The following EPHB4 variants were observed in gnomAD, a reference collection of about 807,000 sequenced individuals.
The protein encoded by EPHB4 is ephrin type-B receptor 4.
A neutral mutation model predicts 110.6 loss-of-function variants in EPHB4; 50 were observed. The observed-to-expected ratio is 0.45, with a 90% CI of 0.36 to 0.57. EPHB4 has a LOEUF of 0.57. Among genes scored for constraint, EPHB4 ranks in the 20% least tolerant of loss-of-function variants. The pLI, the probability that EPHB4 is intolerant of heterozygous loss-of-function variation, is 0.00. For synonymous variants in EPHB4, 592 were observed against 578.4 expected, an observed-to-expected ratio of 1.02 and a Z score of -0.34; for missense variants, 1,128 against 1,382.1, an observed-to-expected ratio of 0.82 and a Z score of 2.91.
At chr7:100,824,610 C>A (rs1813324712) in intron 1 of EPHB4, 1 of 253,262 alleles carries the variant, frequency 3.9e-6, no homozygotes, top group African/African-American at 2.2e-5. Flanking sequence ...GGTCCTGACC[C>A]CCACGAGCAG....
At position 100,827,164 on chromosome 7, in the gene EPHB4, T is replaced by C. The variant is rs1477703908; in HGVS notation, c.-134A>G. On this transcript the variant is annotated 5_prime_UTR_variant, in exon 1 of 17. An upstream start codon of the reference 5' UTR is lost. Transcript: ENST00000358173. ...CGTCGGGGCCCTCAGCGCGGGCCCA[T>C]GCGAGCGTGCGGGGCACCGGGCGGC... 6 of 885,104 alleles carry C rather than the reference T, an allele frequency of 6.8e-6. No homozygotes were observed. In the East Asian group the frequency reaches 1.0e-4, roughly 15 times the overall value. The allele number at this position is 885,104 out of a possible 1,614,324, so 54.8% of individuals were successfully genotyped here. A position where few individuals can be genotyped will look rare whatever the true frequency, so the allele number is the denominator to read the frequency against.
In EPHB4 at chr7:100,819,597, G is replaced by T; in HGVS notation, c.1257C>A (p.Pro419=). ...TGACATTGACAGGCTCAAATGGGAC[G>T]GGCCCCGTGGCTAAGGAGGATACCC... ...LNGVSSLATG[P]VPFEPVNVTT... The change falls in exon 6 of 17, where the codon CCC becomes CCA. Residue 419 remains proline (P), a synonymous_variant. Transcript: ENST00000358173. The T allele has an allele frequency of 6.3e-7, 1 of 1,590,120 alleles. No individual in the cohort carries two copies. The highest frequency in any genetic ancestry group is 8.6e-7 in the Non-Finnish European group (1 of 1,162,582).
chr7:100,803,681 T>C, intron 16 of EPHB4, 91 bp from the exon 17 acceptor site: 1 of 1,389,770 alleles, frequency 7.2e-7, no homozygotes, highest in Non-Finnish European at 9.4e-7. Flanking sequence ...GCCTCAGGAT[T>C]GTAAGCCAAT....
At chr7:100,813,319 T>C (rs1812989857) in intron 10 of EPHB4, 111 bp from the exon 11 acceptor site, 1 of 888,498 alleles carries the variant, frequency 1.1e-6, no homozygotes, top group Non-Finnish European at 1.6e-6. Context: ...TTTTTTTTTT[T>C]TTTTTTTTTT....
intron 4 of EPHB4, among the ~76,000 whole-genome samples, chr7:100,821,583 G>A (rs918002736): frequency 6.7e-6 from 1 of 149,448 alleles, no homozygotes; most frequent in African/African-American, 2.5e-5. Context: ...AGCCGAGATC[G>A]CACCACTGCA....
chr7:100,820,130 T>C lies in EPHB4; in HGVS notation c.964+11A>G. The C allele has an allele frequency of 6.2e-7, 1 of 1,612,964 alleles. No individual in the cohort carries two copies. The highest frequency in any genetic ancestry group is 8.5e-7 in the Non-Finnish European group (1 of 1,179,626). Reference sequence around the variant, plus strand: ...TCCCCAGTGAACTGCACCTGGGTGCTGGTCACTTACTGGTGCAGGGTGCAC... The same window carrying C: ...TCCCCAGTGAACTGCACCTGGGTGCCGGTCACTTACTGGTGCAGGGTGCAC... On this transcript the variant is annotated intron_variant, in intron 5 of 16. Transcript: ENST00000358173.
rs11338293 is a variant in EPHB4, at chr7:100,804,308, C to CTT, written c.2835-720_2835-719dup. Among the ~76,000 whole-genome samples, 619 of 71,594 alleles carry CTT rather than the reference C, an allele frequency of 8.6e-3. 1 individual carries two copies. Among genetic ancestry groups the CTT allele is most frequent in the African/African-American group, 0.01 (193 of 18,772 alleles). 47.0% of individuals were successfully genotyped at this position (71,594 alleles called of 152,430 possible). A position where few individuals can be genotyped will look rare whatever the true frequency, so the allele number is the denominator to read the frequency against. On this transcript the variant is annotated intron_variant, in intron 16 of 16. Transcript: ENST00000358173. ...GAGCCACCACCTGGCCTTCACATTTCTTTTTTTTTTTTTTTTTTTTTTTTG... is the reference window on the plus strand; with the variant it reads ...GAGCCACCACCTGGCCTTCACATTTCTTTTTTTTTTTTTTTTTTTTTTTTTTG...
chr7:100,808,966 T>A (rs1309170280), intron 12 of EPHB4, among the ~76,000 whole-genome samples: 1 of 152,158 alleles, frequency 6.6e-6, no homozygotes, highest in Non-Finnish European at 1.5e-5. Context: ...ATCAGCAAGT[T>A]CTGCTGGTGA....
chr7:100,819,557 C>T lies in EPHB4; in HGVS notation c.1297G>A (p.Val433Ile). ...EPVNVTTDREVPPAVSDIRVT... is the reference protein window; with the variant it reads ...EPVNVTTDREIPPAVSDIRVT... ...AGCCGCCCCAGCCCCCAAGTCTCAC[C>T]CTCTCGGTCAGTGGTGACATTGACA... Residue 433 changes from valine to isoleucine, a missense_variant and splice_region_variant, in exon 6 of 17, where the codon GTA becomes ATA. Around this residue, in one of 3 missense-constraint regions of EPHB4, gnomAD observed 728 missense variants for 828.6 expected, o/e 0.88. Transcript: ENST00000358173. 1 of 1,551,856 alleles carries T rather than the reference C, an allele frequency of 6.4e-7. No homozygotes were observed. The highest frequency in any genetic ancestry group is 8.7e-7 in the Non-Finnish European group (1 of 1,143,496).
rs758680146 is a variant in EPHB4 at position 100,823,726 on chromosome 7, G to T, written c.329C>A (p.Thr110Asn). Residue 110 changes from threonine to asparagine, a missense_variant, in exon 3 of 17, where the codon ACC (threonine) becomes AAC (asparagine). Thr to Asn is a moderately conservative substitution (Grantham distance 65, BLOSUM62 0). This residue lies in a region of EPHB4 where 728 missense variants were observed against 828.6 expected (regional missense o/e 0.88). Transcript: ENST00000358173. ...LPRAGRSCKE[T>N]FTVFYYESDA... ...GCTCTCATAGTAGAAGACGGTGAAG[G>T]TCTCCTTGCAGGAGCGCCCAGCCCG... The T allele has an allele frequency of 6.2e-7, 1 of 1,613,546 alleles. No individual in the cohort carries two copies. The highest frequency in any genetic ancestry group is 8.5e-7 in the Non-Finnish European group (1 of 1,179,976).
intron 8 of EPHB4, among the ~76,000 whole-genome samples, chr7:100,814,311 C>T (rs1813015894): frequency 1.3e-5 from 2 of 152,238 alleles, no homozygotes; most frequent in African/African-American, 2.4e-5. Flanking sequence ...CGCAGTCTCA[C>T]TCTGTCGCCC....
In EPHB4 at chr7:100,803,436, C is replaced by G; in HGVS notation, c.*25G>C. Reference sequence around the variant, plus strand: ...GCCCCGGAAAATGGGGAGGCGGTGTCCCTGGGGTGGGGAGTTCCTGCAGGT... The same window carrying G: ...GCCCCGGAAAATGGGGAGGCGGTGTGCCTGGGGTGGGGAGTTCCTGCAGGT... On this transcript the variant is annotated 3_prime_UTR_variant, in exon 17 of 17. Coordinates refer to ENST00000358173, the MANE Select transcript of EPHB4 (RefSeq NM_004444.5). 6.6e-7 allele frequency: 1 copy of G among 1,521,028 alleles called. No homozygotes were observed. The highest frequency in any genetic ancestry group is 8.9e-7 in the Non-Finnish European group (1 of 1,122,406). 94.2% of individuals were successfully genotyped at this position (1,521,028 alleles called of 1,614,324 possible). A position where few individuals can be genotyped will look rare whatever the true frequency, so the allele number is the denominator to read the frequency against.
intron 16 of EPHB4, 81 bp from the exon 17 acceptor site, chr7:100,803,671 G>A: frequency 6.9e-7 from 1 of 1,440,176 alleles, no homozygotes; most frequent in East Asian, 2.4e-5. Context: ...GACGGTCCTA[G>A]CCTCAGGATT....
At chr7:100,824,702 C>T (rs1315101393) in intron 1 of EPHB4, 2 of 187,700 alleles carry the variant, frequency 1.1e-5, no homozygotes, top group East Asian at 1.5e-4. Flanking sequence ...CTCTCTACCC[C>T]ACAATTTCAT....
Position 100,817,293 on chromosome 7 carries a change from C to A in EPHB4, c.1487G>T (p.Gly496Val). ...KTSENRAELR[G>V]LKRGASYLVQ... ...CAGGTAGCTGGCTCCCCGCTTCAGC[C>A]CCCGCAGCTCTGCCCGGTTTTCTGA... The change falls in exon 8 of 17, where the codon GGG becomes GTG. Residue 496 changes from glycine to valine, a missense_variant. Physicochemically the swap from Gly to Val is moderately radical, Grantham distance 109 (BLOSUM62 -3). Coordinates refer to ENST00000358173, the MANE Select transcript of EPHB4 (RefSeq NM_004444.5). The A allele has an allele frequency of 6.3e-7, 1 of 1,596,384 alleles. No individual in the cohort carries two copies. The highest frequency in any genetic ancestry group is 8.5e-7 in the Non-Finnish European group (1 of 1,172,496).
chr7:100,818,544 G>C lies in EPHB4; in HGVS notation c.1398C>G (p.Asp466Glu), dbSNP rs760199600. Residue 466 changes from aspartate to glutamate, a missense_variant, in exon 7 of 17, where the codon GAC becomes GAG. Coordinates refer to ENST00000358173, the MANE Select transcript of EPHB4 (RefSeq NM_004444.5). The part of the protein sequence containing the change: ...VPRAPSGAVL[D>E]YEVKYHEKGA... Reference sequence around the variant, plus strand: ...CCTTCTCATGGTATTTGACCTCGTAGTCCAGCACAGCCCCACTGGGTGCCC... The same window carrying C: ...CCTTCTCATGGTATTTGACCTCGTACTCCAGCACAGCCCCACTGGGTGCCC... The C allele has an allele frequency of 1.9e-6, 3 of 1,614,066 alleles. No homozygotes were observed. Among genetic ancestry groups the C allele is most frequent in the East Asian group, 4.5e-5 (2 of 44,870 alleles).
At chr7:100,818,779 T>C in intron 6 of EPHB4, 135 bp from the exon 7 acceptor site, 1 of 1,144,572 alleles carries the variant, frequency 8.7e-7, no homozygotes, top group Non-Finnish European at 1.2e-6. Flanking sequence ...CTCAGCTTAC[T>C]GCAACCTCCG....
Position 100,820,191 on chromosome 7 carries a change from C to T in EPHB4, c.914G>A (p.Arg305His). The T allele has an allele frequency of 3.1e-6, 5 of 1,614,094 alleles. No individual in the cohort carries two copies. The highest frequency in any genetic ancestry group is 4.2e-6 in the Non-Finnish European group (5 of 1,180,024). ...NTIGSAVCQCRVGYFRARTDP... is the reference protein window; with the variant it reads ...NTIGSAVCQCHVGYFRARTDP... ...TGTGCGTGCCCGGAAGTACCCGACG[C>T]GGCACTGGCAGACGGCTGATCCAAT... The change falls in exon 5 of 17, where the codon CGC becomes CAC. Residue 305 changes from arginine (R) to histidine (H), a missense_variant. By Grantham distance (29) the Arg-to-His change is conservative. This residue lies in a region of EPHB4 where 728 missense variants were observed against 828.6 expected (regional missense o/e 0.88). Transcript: ENST00000358173.
Position 100,819,870 on chromosome 7 carries a change from C to A in EPHB4, c.984G>T (p.Arg328=). 6.5e-7 allele frequency: 1 copy of A among 1,546,816 alleles called. No individual in the cohort carries two copies. The highest frequency in any genetic ancestry group is 1.2e-5 in the South Asian group (1 of 84,220). ...AGCCGTTCAGGCGGGAAACCACGCT[C>A]CGCGGAGCCGAAGGAGGGGCTGCAG... ...APCTTPPSAP[R]SVVSRLNGSS... is the part of the protein sequence containing the mutation. Residue 328 remains arginine, a synonymous_variant, in exon 6 of 17, where the codon CGG becomes CGT. Coordinates refer to ENST00000358173, the MANE Select transcript of EPHB4 (RefSeq NM_004444.5).
Sources: gnomAD v4.1 joint callset for allele counts (sites outside exome capture counted in the v4.1 genomes callset) on GRCh38, gnomAD v4.1.1 for gene constraint, gnomAD v4.1.1 regional missense constraint, MANE v1.5 for transcripts, NCBI Gene and HGNC (gene_info 2026-07-23, HGNC 2026-07-21) for gene names.